ARID3A: variants seen among roughly 807,000 people sequenced by gnomAD.
ARID3A encodes AT-rich interactive domain-containing protein 3A.
ARID3A carries 11 observed loss-of-function variants against 52.7 expected under a neutral mutation model. The observed-to-expected ratio is 0.21, with a 90% confidence interval of 0.13 to 0.35. ARID3A has a LOEUF of 0.35. Ranked by LOEUF, ARID3A falls within the 10% of genes least tolerant of loss-of-function variation. ARID3A has a pLI of 1.00. For missense variants in ARID3A, 721 were observed against 838.5 expected (o/e 0.86, Z 1.73); for synonymous variants, 404 against 359.4 (o/e 1.12, Z -1.40).
chr19:931,060 G>C (rs369732160), intron 2 of ARID3A, among the ~76,000 whole-genome samples: 1 of 152,076 alleles, frequency 6.6e-6, no homozygotes. Flanking sequence ...TTGGGAGGCC[G>C]AGGTGGGAGG....
intron 6 of ARID3A, 109 bp from the exon 7 acceptor site, chr19:966,458 CAAAAA>C (rs71335324): frequency 5.3e-4 from 363 of 685,226 alleles, no homozygotes; most frequent in Middle Eastern, 1.4e-3. Flanking sequence ...AACTCCGTCT[CAAAAA>C]AAAAAAAAAA....
chr19:953,335 T>C (rs1382452978), intron 3 of ARID3A, among the ~76,000 whole-genome samples: 1 of 151,390 alleles, frequency 6.6e-6, no homozygotes, highest in Non-Finnish European at 1.5e-5. Flanking sequence ...GGGGTGGCGG[T>C]TATCTCACTT....
Position 965,150 on chromosome 19 carries a change from A to T in ARID3A, c.1198+70A>T, listed in dbSNP as rs936715685. ...CAGCCTGGCTGTCTGACCTTGGGGG[A>T]TACCTCTTCCCCTCTCTGGGTAACC... On this transcript the variant is annotated intron_variant, in intron 6 of 8. Transcript: ENST00000263620. The T allele has an allele frequency of 2.1e-5, 31 of 1,486,966 alleles. No individual in the cohort carries two copies. In the African/African-American group the frequency reaches 3.6e-4, roughly 17 times the overall value. The allele number at this position is 1,486,966 out of a possible 1,614,324, so 92.1% of individuals were successfully genotyped here.
intron 8 of ARID3A, 97 bp downstream of exon 8, chr19:968,600 T>A: frequency 1.7e-6 from 2 of 1,181,748 alleles, no homozygotes; most frequent in Non-Finnish European, 2.5e-6. Context: ...TGCTTGAACC[T>A]AGGTGTGCGG....
chr19:955,170 AGG>A (rs375247344), intron 3 of ARID3A, among the ~76,000 whole-genome samples: 57 of 152,254 alleles, frequency 3.7e-4, no homozygotes, highest in African/African-American at 1.4e-3. Context: ...CTGGCCCACA[AGG>A]GGGGCCTGGA....
At chr19:950,958 G>A (rs1300122150) in intron 3 of ARID3A, among the ~76,000 whole-genome samples, 1 of 151,968 alleles carries the variant, frequency 6.6e-6, no homozygotes, top group Non-Finnish European at 1.5e-5. Flanking sequence ...GAGTAGCTGG[G>A]GTTACGGGCA....
chr19:948,285 G>A (rs1036459348), intron 3 of ARID3A, among the ~76,000 whole-genome samples: 37 of 151,828 alleles, frequency 2.4e-4, no homozygotes, highest in African/African-American at 9.0e-4. Flanking sequence ...GCTGCAGAGT[G>A]CCCTGTCCTG....
In ARID3A at chr19:959,714, G is replaced by C. The variant is rs1386433772; in HGVS notation, c.694-378G>C. Among the ~76,000 whole-genome samples, 1 of 151,932 alleles carries C rather than the reference G, an allele frequency of 6.6e-6. No homozygotes were observed. Among genetic ancestry groups the C allele is most frequent in the Admixed American group, 6.6e-5 (1 of 15,254 alleles). On this transcript the variant is annotated intron_variant, in intron 3 of 8. Coordinates refer to ENST00000263620, the MANE Select transcript of ARID3A (RefSeq NM_005224.3). The surrounding 1 kb of genome is among the most constrained non-coding windows in gnomAD (Gnocchi z 5.0). ...AACCAGCAGGCTGGTGTCCTGAGAA[G>C]AGGAGAGAGAGACGGGGAGACGGTC...
chr19:926,996 C>T (rs975028665), intron 1 of ARID3A, among the ~76,000 whole-genome samples: 3 of 151,992 alleles, frequency 2.0e-5, no homozygotes. Flanking sequence ...CCTCCAGGCC[C>T]CCCCAACCCA....
At chr19:956,257 C>T (rs921049254) in intron 3 of ARID3A, among the ~76,000 whole-genome samples, 3 of 152,052 alleles carry the variant, frequency 2.0e-5, no homozygotes, top group Admixed American at 6.6e-5. Flanking sequence ...TCCCCCTCTC[C>T]GCCCTGTCCC....
chr19:953,705 AC>A (rs762784538), intron 3 of ARID3A, among the ~76,000 whole-genome samples: 1 of 151,698 alleles, frequency 6.6e-6, no homozygotes, highest in East Asian at 1.9e-4. Flanking sequence ...CCGAGCGGGG[AC>A]CCGGGAGCTG....
chr19:960,176 G>GC lies in ARID3A; in HGVS notation c.766+17dup. The GC allele has an allele frequency of 6.2e-7, 1 of 1,606,714 alleles. No homozygotes were observed. Among genetic ancestry groups the GC allele is most frequent in the South Asian group, 1.1e-5 (1 of 90,326 alleles). ...CATGCAGAAGCGAGGTGAGCCCTCT[G>GC]CCCCCACCCCGCTGGAGGGAGGTCA... On this transcript the variant is annotated intron_variant, in intron 4 of 8. Transcript: ENST00000263620. This position sits in a 1 kb window ranked among gnomAD's most constrained non-coding sequence, Gnocchi z 4.3.
chr19:967,013 T>C (rs1336119104), intron 7 of ARID3A, 145 bp downstream of exon 7: 3 of 1,040,052 alleles, frequency 2.9e-6, no homozygotes, highest in Admixed American at 6.1e-5. Context: ...ATCCCAGCAC[T>C]TTGGGAGACC....
rs2037714636 is a variant in ARID3A at position 947,652 on chromosome 19, G to T, written c.694-12440G>T. 6.6e-6 allele frequency among the ~76,000 whole-genome samples: 1 copy of T among 152,208 alleles called. No individual in the cohort carries two copies. The highest frequency in any genetic ancestry group is 2.1e-4 in the South Asian group (1 of 4,824). ...GGTCTGGCGTCAGCAAGCTCCCCCG[G>T]AATCTCGTGATCTGGAAATCCACAG... On this transcript the variant is annotated intron_variant, in intron 3 of 8. Coordinates refer to ENST00000263620, the MANE Select transcript of ARID3A (RefSeq NM_005224.3). This position sits in a 1 kb window ranked among gnomAD's most constrained non-coding sequence, Gnocchi z 6.3.
In ARID3A at chr19:938,374, T is replaced by A. The variant is rs1380462791; in HGVS notation, c.693+5632T>A. ...TGTTTTAGATGGGTCGTCTCCCAGA[T>A]CCTCACTGGATCCCAAGGAGCTGCC... is the stretch of plus-strand genomic sequence containing the variant. On this transcript the variant is annotated intron_variant, in intron 3 of 8. Coordinates refer to ENST00000263620, the MANE Select transcript of ARID3A (RefSeq NM_005224.3). This position sits in a 1 kb window ranked among gnomAD's most constrained non-coding sequence, Gnocchi z 4.0. Among the ~76,000 whole-genome samples, 1 of 152,178 alleles carries A rather than the reference T, an allele frequency of 6.6e-6. No homozygotes were observed. The highest frequency in any genetic ancestry group is 1.5e-5 in the Non-Finnish European group (1 of 68,032).
chr19:967,030 G>A (rs1396279325), intron 7 of ARID3A, among the ~76,000 whole-genome samples, 162 bp downstream of exon 7: 6 of 152,202 alleles, frequency 3.9e-5, no homozygotes, highest in African/African-American at 1.4e-4. Flanking sequence ...GACCGAGGTG[G>A]GTGGATCACT....
intron 7 of ARID3A, 57 bp from the exon 8 acceptor site, chr19:968,348 G>C: frequency 1.3e-6 from 2 of 1,496,628 alleles, no homozygotes; most frequent in Non-Finnish European, 1.8e-6. Context: ...AACAGAGCAA[G>C]ACTCTGTCTC....
In ARID3A at chr19:972,014, A is replaced by G; in HGVS notation, c.1731A>G (p.Pro577=). The change falls in exon 9 of 9, where the codon CCA becomes CCG. Residue 577 remains proline (P), a synonymous_variant. Transcript: ENST00000263620. The part of the protein sequence containing the change: ...NTGTSGGQAG[P]AGLSTPSTST... ...GAACCAGCGGCGGCCAGGCTGGGCC[A>G]GCGGGGCTGTCCACACCCTCCACAT... 3.1e-6 allele frequency: 5 copies of G among 1,598,574 alleles called. No homozygotes were observed. The highest frequency in any genetic ancestry group is 4.3e-6 in the Non-Finnish European group (5 of 1,173,506).
chr19:958,233 C>G (rs2037962766), intron 3 of ARID3A: 1 of 151,012 alleles, frequency 6.6e-6, no homozygotes, highest in South Asian at 2.1e-4. Flanking sequence ...GGAGACCATC[C>G]TGGCCAAATG....
Sources: gnomAD v4.1 joint callset for allele counts (sites outside exome capture counted in the v4.1 genomes callset) on GRCh38, gnomAD v4.1.1 for gene constraint, Gnocchi (gnomAD v3.1) non-coding constraint, MANE v1.5 for transcripts, NCBI Gene and HGNC (gene_info 2026-07-23, HGNC 2026-07-21) for gene names.